TADA2A: variants seen among roughly 807,000 people sequenced by gnomAD.
The protein encoded by TADA2A is transcriptional adaptor 2A, also known as transcriptional adapter 2-alpha.
Under a neutral mutation model 67.4 loss-of-function variants are expected in TADA2A, and 38 were observed. The observed-to-expected ratio is 0.56, with a 90% confidence interval of 0.44 to 0.74. TADA2A has a LOEUF of 0.74. TADA2A is among the 30% of genes least tolerant of loss of function. The probability of loss-of-function intolerance (pLI) is 0.00; values close to 1 mark genes in which losing one functional copy is unlikely to be tolerated. For missense variants in TADA2A, 454 were observed against 547.0 expected, an observed-to-expected ratio of 0.83 and a Z score of 1.70; for synonymous variants, 192 against 181.6, an observed-to-expected ratio of 1.06 and a Z score of -0.46.
chr17:37,460,274 C>T (rs1294063274), intron 9 of TADA2A, among the ~76,000 whole-genome samples: 1 of 151,626 alleles, frequency 6.6e-6, no homozygotes, highest in African/African-American at 2.4e-5. Flanking sequence ...TTGAGATGGT[C>T]TTGCTCCGTC....
chr17:37,434,019 A>G (rs2052650439), intron 4 of TADA2A, among the ~76,000 whole-genome samples: 1 of 151,974 alleles, frequency 6.6e-6, no homozygotes. Flanking sequence ...TATAGATTTT[A>G]TTCAGATTTC....
chr17:37,437,507 C>T (rs1045344552), intron 4 of TADA2A, among the ~76,000 whole-genome samples: 2 of 152,056 alleles, frequency 1.3e-5, no homozygotes, highest in Non-Finnish European at 2.9e-5. Context: ...CTGCCTCAGC[C>T]TCCTGAGTAG....
At chr17:37,471,064 C>T (rs1271045057) in intron 13 of TADA2A, 30 bp from the exon 14 acceptor site, 1 of 1,613,822 alleles carries the variant, frequency 6.2e-7, no homozygotes, top group African/African-American at 1.3e-5. Flanking sequence ...TTGATATGAC[C>T]TAAGTTTAAA....
Position 37,478,988 on chromosome 17 carries a change from G to C in TADA2A, c.*2006G>C, listed in dbSNP as rs1353865398. On this transcript the variant is annotated 3_prime_UTR_variant, in exon 16 of 16. Coordinates refer to ENST00000615182, the MANE Select transcript of TADA2A (RefSeq NM_001166105.3). ...ACCATCACCCCTAGTTGGTTGTGAA[G>C]TGATTGCCTCTTATCCCTGAAAGGA... The C allele has an allele frequency of 2.0e-5, 3 of 152,204 alleles. No homozygotes were observed. Among genetic ancestry groups the C allele is most frequent in the African/African-American group, 7.2e-5 (3 of 41,438 alleles). The allele number at this position is 152,204 out of a possible 1,614,324, so 9.4% of individuals were successfully genotyped here.
intron 15 of TADA2A, among the ~76,000 whole-genome samples, 185 bp from the exon 16 acceptor site, chr17:37,476,612 G>A (rs1320346135): frequency 6.6e-6 from 1 of 152,186 alleles, no homozygotes; most frequent in African/African-American, 2.4e-5. Context: ...CTTCCTGGGT[G>A]TGTGTCCTTA....
In TADA2A at chr17:37,474,561, C is replaced by A; in HGVS notation, c.1078C>A (p.Arg360=). 6.2e-7 allele frequency: 1 copy of A among 1,613,440 alleles called. No homozygotes were observed. Among genetic ancestry groups the A allele is most frequent in the Non-Finnish European group, 8.5e-7 (1 of 1,179,778 alleles). The change falls in exon 15 of 16, where the codon CGG becomes AGG. Residue 360 remains arginine (R), a synonymous_variant. Coordinates refer to ENST00000615182, the MANE Select transcript of TADA2A (RefSeq NM_001166105.3). Reference sequence around the variant, plus strand: ...TTTCCTTTCTCTGTCTATAGGTAGACGGAGTGCACCACCCTTGAACCTCAC... The same window carrying A: ...TTTCCTTTCTCTGTCTATAGGTAGAAGGAGTGCACCACCCTTGAACCTCAC... The part of the protein sequence containing the change: ...SIPMASNSGR[R]SAPPLNLTGL...
chr17:37,441,301 T>C (rs753030027), intron 6 of TADA2A, among the ~76,000 whole-genome samples: 1 of 152,214 alleles, frequency 6.6e-6, no homozygotes, highest in Admixed American at 6.5e-5. Flanking sequence ...TATGCTATTA[T>C]GAGTGCAAGT....
At chr17:37,464,520 C>T (rs1265926052) in intron 10 of TADA2A, among the ~76,000 whole-genome samples, 1 of 152,146 alleles carries the variant, frequency 6.6e-6, no homozygotes, top group Non-Finnish European at 1.5e-5. Flanking sequence ...TTACTGCCAG[C>T]AGTTCCTGCC....
rs150911054 is a variant in TADA2A at position 37,465,665 on chromosome 17, C to G, written c.823+124C>G. 3.8e-4 allele frequency: 574 copies of G among 1,508,932 alleles called. 7 individuals carry two copies. In the East Asian group the frequency reaches 0.014, roughly 37 times the overall value. The allele number at this position is 1,508,932 out of a possible 1,614,324, so 93.5% of individuals were successfully genotyped here. On this transcript the variant is annotated intron_variant, in intron 11 of 15. Transcript: ENST00000615182. ...AATGGATATTTCTCTCTTTGTTCCC[C>G]TTTATTACCATGAGACAAATTTGGG...
chr17:37,431,049 C>CT (rs917950208), intron 4 of TADA2A, among the ~76,000 whole-genome samples: 10 of 150,330 alleles, frequency 6.7e-5, no homozygotes, highest in Non-Finnish European at 1.2e-4. Context: ...CAAATCATGA[C>CT]TTTTTTTTTG....
At position 37,437,807 on chromosome 17, in the gene TADA2A, A is replaced by G; in HGVS notation, c.262A>G (p.Met88Val). The G allele has an allele frequency of 6.2e-7, 1 of 1,614,158 alleles. No individual in the cohort carries two copies. The highest frequency in any genetic ancestry group is 8.5e-7 in the Non-Finnish European group (1 of 1,180,030). The change falls in exon 5 of 16, where the codon ATG becomes GTG. Residue 88 changes from methionine (M) to valine (V), a missense_variant. Physicochemically the swap from Met to Val is conservative, Grantham distance 21. This residue lies in a region of TADA2A where 403 missense variants were observed against 455.5 expected (regional missense o/e 0.88). Transcript: ENST00000615182. ...QEEMALLEAV[M>V]DCGFGNWQDV... Reference sequence around the variant, plus strand: ...AGAAATGGCCCTTTTAGAAGCTGTGATGGACTGTGGCTTTGGAAATTGGTA... The same window carrying G: ...AGAAATGGCCCTTTTAGAAGCTGTGGTGGACTGTGGCTTTGGAAATTGGTA...
intron 5 of TADA2A, 191 bp downstream of exon 5, chr17:37,438,020 A>G (rs189907032): frequency 5.1e-6 from 3 of 586,842 alleles, no homozygotes; most frequent in East Asian, 5.8e-5. Flanking sequence ...AGGATATGGG[A>G]TGTTTAGCGG....
intron 9 of TADA2A, 120 bp downstream of exon 9, chr17:37,458,707 C>T (rs2053468616): frequency 2.6e-6 from 2 of 782,528 alleles, no homozygotes; most frequent in Non-Finnish European, 4.0e-6. Flanking sequence ...GGCAAGGTCT[C>T]ACTCTGTTGC....
chr17:37,465,591 A>C lies in TADA2A; in HGVS notation c.823+50A>C. 3 of 1,609,732 alleles carry C rather than the reference A, an allele frequency of 1.9e-6. No homozygotes were observed. The African/African-American group carries it at 4.0e-5, about 21-fold the overall frequency. ...AGTATTTGTGTGTGTATATTTATAT[A>C]AATAGGAGAGATAATGGTGTGTTTT... On this transcript the variant is annotated intron_variant, in intron 11 of 15. Coordinates refer to ENST00000615182, the MANE Select transcript of TADA2A (RefSeq NM_001166105.3).
At chr17:37,456,049 C>G (rs1309521503) in intron 8 of TADA2A, among the ~76,000 whole-genome samples, 1 of 151,880 alleles carries the variant, frequency 6.6e-6, no homozygotes, top group Non-Finnish European at 1.5e-5. Context: ...ACTAAAAATA[C>G]AAAAATTAGC....
intron 7 of TADA2A, among the ~76,000 whole-genome samples, chr17:37,443,744 G>A (rs540347610): frequency 2.6e-5 from 4 of 152,138 alleles, no homozygotes; most frequent in East Asian, 1.9e-4. Context: ...AAATGAATAC[G>A]CCTGTGTTCC....
chr17:37,407,439 C>T (rs937418500), intron 1 of TADA2A: 4 of 152,276 alleles, frequency 2.6e-5, no homozygotes, highest in African/African-American at 7.2e-5. Flanking sequence ...GGAGCCTGCG[C>T]CTTTCCTCCT....
chr17:37,424,831 C>T (rs945754880), intron 3 of TADA2A, among the ~76,000 whole-genome samples: 11 of 152,100 alleles, frequency 7.2e-5, no homozygotes, highest in African/African-American at 2.4e-4. Context: ...GCTGGGATTA[C>T]AGGGCGTGAG....
rs1455920992 is a variant in TADA2A, at chr17:37,470,360, T to A, written c.896-40T>A. 1.9e-6 allele frequency: 3 copies of A among 1,612,372 alleles called. No homozygotes were observed. The Admixed American group carries it at 5.0e-5, about 27-fold the overall frequency. On this transcript the variant is annotated intron_variant, in intron 12 of 15. Transcript: ENST00000615182. The stretch of plus-strand genomic sequence containing the variant: ...CAGTTAGGAAGCCCTTCAGTTCTGC[T>A]GCATTGTCATTGTGGTCATTGTGTT...
Sources: allele counts gnomAD v4.1 joint callset (sites outside exome capture counted in the v4.1 genomes callset), GRCh38; gene constraint gnomAD v4.1.1; regional missense constraint gnomAD v4.1.1; transcripts MANE v1.5; gene names NCBI Gene and HGNC (gene_info 2026-07-23, HGNC 2026-07-21).